FCHSD2: variants seen among roughly 807,000 people sequenced by gnomAD.
The protein encoded by FCHSD2 is F-BAR and double SH3 domains protein 2.
FCHSD2 carries 38 observed loss-of-function variants against 108.1 expected under a neutral mutation model. The observed-to-expected ratio is 0.35, with a 90% confidence interval of 0.27 to 0.46. FCHSD2 has a LOEUF of 0.46. Ranked by LOEUF, FCHSD2 falls within the 20% of genes least tolerant of loss-of-function variation. The pLI is 1.00. For synonymous variants in FCHSD2, 279 were observed against 314.7 expected (o/e 0.89, Z 1.20); for missense variants, 751 against 897.8 (o/e 0.84, Z 2.09).
intron 8 of FCHSD2, among the ~76,000 whole-genome samples, chr11:72,939,609 CTTTTTTTTTTTTTTT>C (rs1194333407): frequency 1.5e-5 from 1 of 65,464 alleles, no homozygotes; most frequent in African/African-American, 5.8e-5. Flanking sequence ...CTTTCTTTTC[CTTTTTTTTTTTTTTT>C]TTTTTTTTTT....
At chr11:72,884,721 G>A (rs1001688808) in intron 12 of FCHSD2, among the ~76,000 whole-genome samples, 20 of 152,012 alleles carry the variant, frequency 1.3e-4, no homozygotes, top group South Asian at 4.2e-4. Flanking sequence ...TGCCTCCCAA[G>A]TAGCTGAGAC....
At chr11:72,981,886 C>T (rs1857222229) in intron 8 of FCHSD2, among the ~76,000 whole-genome samples, 1 of 152,182 alleles carries the variant, frequency 6.6e-6, no homozygotes, top group African/African-American at 2.4e-5. Flanking sequence ...GAGGCTGAGG[C>T]AAGAGGATCC....
chr11:72,841,105 C>A, intron 18 of FCHSD2, 146 bp from the exon 19 acceptor site: 1 of 666,382 alleles, frequency 1.5e-6, no homozygotes. Context: ...AAGTTCAAGG[C>A]TGCAGTGAGC....
intron 9 of FCHSD2, among the ~76,000 whole-genome samples, chr11:72,904,086 A>G (rs1374499311): frequency 6.6e-6 from 1 of 152,232 alleles, no homozygotes; most frequent in Non-Finnish European, 1.5e-5. Flanking sequence ...GGGTACGAGA[A>G]GAGAACAAGG....
chr11:73,066,644 GA>G (rs1020315103), intron 3 of FCHSD2, among the ~76,000 whole-genome samples: 41 of 144,460 alleles, frequency 2.8e-4, no homozygotes, highest in African/African-American at 3.6e-4. Context: ...AAATTTACAA[GA>G]AAAAAAAAAC....
chr11:72,857,807 G>A (rs1345983825), intron 13 of FCHSD2, among the ~76,000 whole-genome samples: 1 of 151,948 alleles, frequency 6.6e-6, no homozygotes, highest in Admixed American at 6.6e-5. Flanking sequence ...TTGGTTTTGG[G>A]AGCCATCTTC....
chr11:72,911,657 T>C (rs1855765853), intron 9 of FCHSD2, among the ~76,000 whole-genome samples: 1 of 152,096 alleles, frequency 6.6e-6, no homozygotes, highest in African/African-American at 2.4e-5. Flanking sequence ...CTCTTCAATT[T>C]ATTCCTTCCT....
chr11:72,985,722 A>C (rs1379236812), intron 6 of FCHSD2, among the ~76,000 whole-genome samples: 1 of 151,990 alleles, frequency 6.6e-6, no homozygotes, highest in Non-Finnish European at 1.5e-5. Context: ...ATCTTCTCCC[A>C]CTCTTGGGTT....
intron 8 of FCHSD2, among the ~76,000 whole-genome samples, chr11:72,964,682 C>G (rs1462392373): frequency 6.6e-6 from 1 of 152,134 alleles, no homozygotes; most frequent in Non-Finnish European, 1.5e-5. Flanking sequence ...CAACCCACAG[C>G]CCCAGGTCTT....
intron 5 of FCHSD2, among the ~76,000 whole-genome samples, chr11:72,993,750 G>A (rs964538460): frequency 2.2e-5 from 3 of 138,656 alleles, no homozygotes; most frequent in Non-Finnish European, 4.6e-5. Context: ...ACACACTGGG[G>A]CCTGTTGTGG....
intron 9 of FCHSD2, among the ~76,000 whole-genome samples, chr11:72,909,410 C>A (rs1366290393): frequency 6.6e-6 from 1 of 152,220 alleles, no homozygotes; most frequent in African/African-American, 2.4e-5. Context: ...AGCTGCCTGC[C>A]TTGGCCTCCA....
chr11:72,870,899 CAAAAA>C (rs55827213), intron 12 of FCHSD2, among the ~76,000 whole-genome samples: 1 of 77,018 alleles, frequency 1.3e-5, no homozygotes, highest in Admixed American at 1.8e-4. Context: ...GACTCCGTCT[CAAAAA>C]AAAAAAAAAA....
chr11:73,109,731 T>C lies in FCHSD2; in HGVS notation c.120-25991A>G, dbSNP rs367901975. The stretch of plus-strand genomic sequence containing the variant: ...CTGCTCTTGCTAGGACTTCCAGTAA[T>C]ACACTGAGTAACAGTAGTGACAGTG... On this transcript the variant is annotated intron_variant, in intron 2 of 19. Coordinates refer to ENST00000409418, the MANE Select transcript of FCHSD2 (RefSeq NM_014824.3). Among the ~76,000 whole-genome samples the C allele has an allele frequency of 1.5e-4, 23 of 152,316 alleles. No individual in the cohort carries two copies. The East Asian group carries it at 3.5e-3, about 23-fold the overall frequency.
At chr11:72,883,516 A>G (rs763725478) in intron 12 of FCHSD2, among the ~76,000 whole-genome samples, 1 of 152,234 alleles carries the variant, frequency 6.6e-6, no homozygotes, top group Non-Finnish European at 1.5e-5. Flanking sequence ...GGGATATATG[A>G]AGGGCTAAAA....
intron 2 of FCHSD2, among the ~76,000 whole-genome samples, chr11:73,100,605 C>T (rs1338257646): frequency 1.3e-5 from 2 of 152,062 alleles, no homozygotes; most frequent in Non-Finnish European, 2.9e-5. Flanking sequence ...TCAGGTGATC[C>T]GCCCACCTTA....
intron 4 of FCHSD2, among the ~76,000 whole-genome samples, chr11:73,002,294 G>T (rs568045108): frequency 6.6e-6 from 1 of 152,110 alleles, no homozygotes; most frequent in Non-Finnish European, 1.5e-5. Flanking sequence ...CAGATGAATC[G>T]GTTTAGATGG....
intron 14 of FCHSD2, among the ~76,000 whole-genome samples, chr11:72,845,200 C>G (rs1861087259): frequency 6.6e-6 from 1 of 152,066 alleles, no homozygotes; most frequent in Non-Finnish European, 1.5e-5. Context: ...GTGGGTGGAT[C>G]ACTTGAGGCC....
At chr11:72,949,615 G>A (rs1446317035) in intron 8 of FCHSD2, among the ~76,000 whole-genome samples, 2 of 152,144 alleles carry the variant, frequency 1.3e-5, no homozygotes, top group Non-Finnish European at 2.9e-5. Context: ...AAATGAAATG[G>A]AATCATACAA....
intron 12 of FCHSD2, among the ~76,000 whole-genome samples, chr11:72,881,517 T>C (rs2135234059): frequency 1.3e-5 from 2 of 152,312 alleles, no homozygotes; most frequent in Non-Finnish European, 2.9e-5. Context: ...TACTATATGA[T>C]CCAGCAATCC....
Sources: allele counts gnomAD v4.1 joint callset (sites outside exome capture counted in the v4.1 genomes callset), GRCh38; gene constraint gnomAD v4.1.1; transcripts MANE v1.5; gene names NCBI Gene and HGNC (gene_info 2026-07-23, HGNC 2026-07-21).